The following CLIC6 variants were observed in gnomAD, a reference collection of about 807,000 sequenced individuals.
CLIC6 encodes the protein CLIC family member 6.
Under a neutral mutation model 49.2 loss-of-function variants are expected in CLIC6, and 39 were observed. The observed-to-expected ratio is 0.79, with a 90% CI of 0.61 to 1.04. The LOEUF (loss-of-function observed/expected upper bound fraction) is 1.04. Ranked by LOEUF, CLIC6 falls within the 50% of genes least tolerant of loss-of-function variation. The probability of loss-of-function intolerance (pLI) is 0.00; values close to 1 mark genes in which losing one functional copy is unlikely to be tolerated. For synonymous variants in CLIC6, 446 were observed against 433.4 expected, an observed-to-expected ratio of 1.03 and a Z score of -0.36; for missense variants, 988 against 993.1, an observed-to-expected ratio of 0.99 and a Z score of 0.07.
intron 1 of CLIC6, among the ~76,000 whole-genome samples, chr21:34,676,154 T>TA (rs1007860688): frequency 2.8e-4 from 42 of 152,210 alleles, no homozygotes; most frequent in African/African-American, 8.9e-4. Context: ...CTTGAATATC[T>TA]AAAGACCCAC....
intron 1 of CLIC6, chr21:34,706,104 G>C: frequency 1.5e-6 from 1 of 669,752 alleles, no homozygotes; most frequent in Non-Finnish European, 2.7e-6. Flanking sequence ...AAAGAAAAGA[G>C]GCTGAATTGG....
At chr21:34,674,951 C>T (rs970921552) in intron 1 of CLIC6, among the ~76,000 whole-genome samples, 6 of 152,078 alleles carry the variant, frequency 3.9e-5, no homozygotes, top group African/African-American at 7.2e-5. Context: ...CCTAATCTGG[C>T]GTGTAAGCTT....
intron 1 of CLIC6, among the ~76,000 whole-genome samples, chr21:34,672,097 T>C (rs1258741693): frequency 6.6e-6 from 1 of 152,210 alleles, no homozygotes; most frequent in Non-Finnish European, 1.5e-5. Context: ...ACAGTTTTGA[T>C]GGACAGTAGC....
chr21:34,678,430 TAAAAA>T (rs772123813), intron 1 of CLIC6, among the ~76,000 whole-genome samples: 1 of 139,202 alleles, frequency 7.2e-6, no homozygotes. Flanking sequence ...AGACTCCATC[TAAAAA>T]AAAAAAAAGA....
chr21:34,707,738 T>C (rs959557353), intron 2 of CLIC6, among the ~76,000 whole-genome samples: 8 of 152,182 alleles, frequency 5.3e-5, no homozygotes, highest in Non-Finnish European at 7.4e-5. Context: ...GTGCTCCGTA[T>C]TCACAAAGGG....
intron 5 of CLIC6, among the ~76,000 whole-genome samples, chr21:34,711,319 G>A (rs2056054870): frequency 1.3e-5 from 2 of 152,100 alleles, no homozygotes; most frequent in African/African-American, 4.8e-5. Flanking sequence ...ATCACTTGAG[G>A]CCAGGAGTTT....
chr21:34,700,764 G>A (rs1327856576), intron 1 of CLIC6, among the ~76,000 whole-genome samples: 6 of 139,414 alleles, frequency 4.3e-5, no homozygotes, highest in Non-Finnish European at 6.2e-5. Flanking sequence ...AGGGACCTTA[G>A]CCTTTTCACC....
chr21:34,708,820 ATCC>A lies in CLIC6; in HGVS notation c.1717+19_1717+21del, dbSNP rs2056035590. 6.4e-7 allele frequency: 1 copy of A among 1,572,986 alleles called. No individual in the cohort carries two copies. The highest frequency in any genetic ancestry group is 8.7e-7 in the Non-Finnish European group (1 of 1,143,018). On this transcript the variant is annotated intron_variant, in intron 4 of 5. Coordinates refer to ENST00000349499, the MANE Select transcript of CLIC6 (RefSeq NM_053277.3). ...ATGCAAATGAGAGTGAGTACCTCCC[ATCC>A]TCCTGTTTTGTTTCAACACAGACTT...
intron 1 of CLIC6, among the ~76,000 whole-genome samples, chr21:34,685,012 C>T (rs1410518091): frequency 6.6e-6 from 1 of 152,164 alleles, no homozygotes; most frequent in African/African-American, 2.4e-5. Flanking sequence ...ATTTTGCCTT[C>T]CAGCTAGGGA....
Position 34,717,942 on chromosome 21 carries a change from G to A in CLIC6, c.*1460G>A, listed in dbSNP as rs1195804639. 3 of 152,348 alleles carry A rather than the reference G, an allele frequency of 2.0e-5. No homozygotes were observed. The highest frequency in any genetic ancestry group is 2.9e-5 in the Non-Finnish European group (2 of 68,042). The allele number at this position is 152,348 out of a possible 1,614,324, so 9.4% of individuals were successfully genotyped here. ...AATAGAGTGGCCTCTTTCGCTCTTCGATTATGACTGCTGCAGTTTTACCCC... is the reference window on the plus strand; with the variant it reads ...AATAGAGTGGCCTCTTTCGCTCTTCAATTATGACTGCTGCAGTTTTACCCC... On this transcript the variant is annotated 3_prime_UTR_variant, in exon 6 of 6. Transcript: ENST00000349499.
chr21:34,709,480 A>C lies in CLIC6; in HGVS notation c.1841A>C (p.Asp614Ala). Residue 614 changes from aspartate (D) to alanine (A), a missense_variant, in exon 5 of 6, where the codon GAT becomes GCT. Physicochemically the swap from Asp to Ala is moderately radical, Grantham distance 126. Coordinates refer to ENST00000349499, the MANE Select transcript of CLIC6 (RefSeq NM_053277.3). The stretch of plus-strand genomic sequence containing the variant: ...ACTGTTTCTGGAAGGAAGTTTCTGG[A>C]TGGGGACGAGCTGACGCTGGCTGAC... ...DVTVSGRKFL[D>A]GDELTLADCN... is the part of the protein sequence containing the mutation. 6.2e-7 allele frequency: 1 copy of C among 1,613,984 alleles called. No individual in the cohort carries two copies. Among genetic ancestry groups the C allele is most frequent in the Non-Finnish European group, 8.5e-7 (1 of 1,179,878 alleles).
chr21:34,705,389 G>T (rs1278651303), intron 1 of CLIC6, among the ~76,000 whole-genome samples: 2 of 152,116 alleles, frequency 1.3e-5, no homozygotes, highest in Non-Finnish European at 2.9e-5. Context: ...TAGGGTGGTG[G>T]GACCCCAAGG....
chr21:34,709,639 T>C, intron 5 of CLIC6, 101 bp downstream of exon 5: 6 of 1,041,480 alleles, frequency 5.8e-6, no homozygotes, highest in Non-Finnish European at 8.3e-6. Flanking sequence ...CAGTCTGAAA[T>C]GTGGAGACTT....
chr21:34,703,753 A>G (rs2055995487), intron 1 of CLIC6, among the ~76,000 whole-genome samples: 1 of 152,038 alleles, frequency 6.6e-6, no homozygotes, highest in South Asian at 2.1e-4. Context: ...TGAGACAGGG[A>G]GGTTCACAAG....
At chr21:34,682,784 C>A (rs186157288) in intron 1 of CLIC6, among the ~76,000 whole-genome samples, 56 of 149,690 alleles carry the variant, frequency 3.7e-4, no homozygotes, top group African/African-American at 1.3e-3. Context: ...TATTTCCAGT[C>A]CTACCCCTTT....
chr21:34,715,946 A>G (rs913146302), intron 5 of CLIC6, among the ~76,000 whole-genome samples: 3 of 152,238 alleles, frequency 2.0e-5, no homozygotes, highest in African/African-American at 7.2e-5. Flanking sequence ...CAGATCCACC[A>G]TGCGTCTTTA....
At chr21:34,670,921 T>C (rs1032224939) in intron 1 of CLIC6, among the ~76,000 whole-genome samples, 159 bp downstream of exon 1, 2 of 151,470 alleles carry the variant, frequency 1.3e-5, no homozygotes, top group Non-Finnish European at 2.9e-5. Flanking sequence ...AGCCGGGATT[T>C]CCCGGAGAAG....
rs896876317 is a variant in CLIC6, at chr21:34,671,164, C to T, written c.1374+402C>T. ...AAAAGAAGAAGAAGAAGAAAAGCAA[C>T]GCACCCTATTGGTGTTCAAAGGGAT... On this transcript the variant is annotated intron_variant, in intron 1 of 5. Coordinates refer to ENST00000349499, the MANE Select transcript of CLIC6 (RefSeq NM_053277.3). Among the ~76,000 whole-genome samples, 9 of 146,390 alleles carry T rather than the reference C, an allele frequency of 6.1e-5. No individual in the cohort carries two copies. The East Asian group carries it at 1.2e-3, about 19-fold the overall frequency.
Position 34,699,106 on chromosome 21 carries a change from T to C in CLIC6, c.1375-8174T>C. On this transcript the variant is annotated intron_variant, in intron 1 of 5. Coordinates refer to ENST00000349499, the MANE Select transcript of CLIC6 (RefSeq NM_053277.3). ...GTTATTTAGCATCTCTGAAGTTCAGTTTCCTTGTTTATAAAATGGGATGAA... is the reference window on the plus strand; with the variant it reads ...GTTATTTAGCATCTCTGAAGTTCAGCTTCCTTGTTTATAAAATGGGATGAA... Among the ~76,000 whole-genome samples, 2 of 152,228 alleles carry C rather than the reference T, an allele frequency of 1.3e-5. 1 individual carries two copies. Among genetic ancestry groups the C allele is most frequent in the East Asian group, 3.8e-4 (2 of 5,200 alleles).
Sources: gnomAD v4.1 joint callset for allele counts (sites outside exome capture counted in the v4.1 genomes callset) on GRCh38, gnomAD v4.1.1 for gene constraint, MANE v1.5 for transcripts, NCBI Gene and HGNC (gene_info 2026-07-23, HGNC 2026-07-21) for gene names.